The following FOXP1 variants were observed in gnomAD, a reference collection of about 807,000 sequenced individuals.
FOXP1 encodes the protein forkhead box P1.
In FOXP1, 15 loss-of-function variants were observed where a neutral mutation model predicts 98.2. That is an observed-to-expected ratio of 0.15 (90% CI 0.10 to 0.24). FOXP1 has a LOEUF of 0.24. Ranked by LOEUF, FOXP1 falls within the 10% of genes least tolerant of loss-of-function variation. The pLI is 1.00. For missense variants in FOXP1, 633 were observed against 848.5 expected (o/e 0.75, Z 3.15); for synonymous variants, 371 against 314.5 (o/e 1.18, Z -1.90).
chr3:71,149,156 T>C (rs2060456098), intron 6 of FOXP1, among the ~76,000 whole-genome samples: 1 of 152,080 alleles, frequency 6.6e-6, no homozygotes, highest in Non-Finnish European at 1.5e-5. Context: ...CTGAGTGTAG[T>C]GGGAAAGAGA....
At chr3:71,515,960 G>A (rs1196481778) in intron 2 of FOXP1, among the ~76,000 whole-genome samples, 2 of 152,134 alleles carry the variant, frequency 1.3e-5, no homozygotes, top group African/African-American at 2.4e-5. Context: ...GGCCAGTGTC[G>A]TTCATCTGAG....
At chr3:71,221,059 A>G (rs2065341705) in intron 5 of FOXP1, among the ~76,000 whole-genome samples, 1 of 152,160 alleles carries the variant, frequency 6.6e-6, no homozygotes, top group Admixed American at 6.5e-5. Flanking sequence ...CGGGGTCCCC[A>G]GCTCCCCAAG....
intron 3 of FOXP1, among the ~76,000 whole-genome samples, chr3:71,385,107 T>TAA (rs11304054): frequency 5.0e-5 from 7 of 138,914 alleles, no homozygotes; most frequent in East Asian, 2.1e-4. Flanking sequence ...GAAAAGGAAG[T>TAA]AAAAAAAAAA....
intron 3 of FOXP1, among the ~76,000 whole-genome samples, chr3:71,491,792 A>C (rs576493966): frequency 2.0e-4 from 31 of 152,332 alleles, no homozygotes; most frequent in Middle Eastern, 3.4e-3. Context: ...ATAAAACTAA[A>C]GTATTTTTTA....
At chr3:71,236,449 C>T (rs1057375783) in intron 5 of FOXP1, among the ~76,000 whole-genome samples, 4 of 152,198 alleles carry the variant, frequency 2.6e-5, no homozygotes, top group Non-Finnish European at 5.9e-5. Context: ...CACCCACGAT[C>T]TACCAGTCAT....
chr3:71,338,555 G>A (rs1278742515), intron 4 of FOXP1, among the ~76,000 whole-genome samples: 3 of 152,124 alleles, frequency 2.0e-5, no homozygotes, highest in Non-Finnish European at 4.4e-5. Flanking sequence ...AGCCTCCCAA[G>A]TAGCTGGGAC....
chr3:71,086,757 A>G (rs1400760316), intron 7 of FOXP1, among the ~76,000 whole-genome samples: 3 of 152,166 alleles, frequency 2.0e-5, no homozygotes, highest in African/African-American at 7.2e-5. Flanking sequence ...GCAGAAAACC[A>G]ATTTATGTAA....
At chr3:71,023,411 G>T (rs1483320426) in intron 11 of FOXP1, among the ~76,000 whole-genome samples, 1 of 152,120 alleles carries the variant, frequency 6.6e-6, no homozygotes, top group East Asian at 1.9e-4. Context: ...GACACCTTGG[G>T]TTTCTAGAAA....
intron 3 of FOXP1, among the ~76,000 whole-genome samples, chr3:71,419,236 A>G: frequency 2.4e-5 from 1 of 41,380 alleles, no homozygotes. Context: ...CTCCATCTCA[A>G]AAAAAAAAAA....
chr3:71,064,053 G>C (rs750780070), intron 7 of FOXP1, among the ~76,000 whole-genome samples: 1 of 152,206 alleles, frequency 6.6e-6, no homozygotes, highest in South Asian at 2.1e-4. Context: ...CAATTCCTCA[G>C]TCTGCTGCAC....
At chr3:71,003,834 C>T (rs2042420372) in intron 12 of FOXP1, among the ~76,000 whole-genome samples, 3 of 152,098 alleles carry the variant, frequency 2.0e-5, no homozygotes, top group Admixed American at 1.3e-4. Context: ...CCTTTCATTT[C>T]ACTACTTCAT....
chr3:71,268,193 C>T (rs2069927252), intron 5 of FOXP1, among the ~76,000 whole-genome samples: 1 of 150,168 alleles, frequency 6.7e-6, no homozygotes, highest in Non-Finnish European at 1.5e-5. Context: ...CGGGTTCACG[C>T]CATTCTCCTG....
chr3:71,361,382 T>C (rs2078555230), intron 3 of FOXP1, among the ~76,000 whole-genome samples: 1 of 152,176 alleles, frequency 6.6e-6, no homozygotes, highest in Admixed American at 6.5e-5. Flanking sequence ...AACTATGAGC[T>C]GTGGACTCCT....
intron 6 of FOXP1, among the ~76,000 whole-genome samples, chr3:71,184,757 G>A (rs898942495): frequency 7.0e-6 from 1 of 141,870 alleles, no homozygotes; most frequent in African/African-American, 2.6e-5. Flanking sequence ...GCTGTGTAAC[G>A]TTTTTTTTTT....
chr3:71,432,477 C>T (rs1188587246), intron 3 of FOXP1, among the ~76,000 whole-genome samples: 2 of 152,196 alleles, frequency 1.3e-5, no homozygotes, highest in African/African-American at 4.8e-5. Flanking sequence ...TCATTCTTCT[C>T]TCCCTTTGGA....
intron 2 of FOXP1, among the ~76,000 whole-genome samples, chr3:71,523,514 A>G (rs2043142451): frequency 6.6e-6 from 1 of 152,174 alleles, no homozygotes; most frequent in Non-Finnish European, 1.5e-5. Flanking sequence ...ATGCCAATAT[A>G]TTGTTTTGAA....
intron 11 of FOXP1, among the ~76,000 whole-genome samples, chr3:71,025,120 T>C (rs1370914583): frequency 6.6e-6 from 1 of 152,102 alleles, no homozygotes; most frequent in Non-Finnish European, 1.5e-5. Context: ...ATGAAAAATA[T>C]GAAGTAGATA....
rs546838922 is a variant in FOXP1 at position 71,210,077 on chromosome 3, AT to A, written c.-11-11686del. On this transcript the variant is annotated intron_variant, in intron 5 of 20. Coordinates refer to ENST00000649528, the MANE Select transcript of FOXP1 (RefSeq NM_001349338.3). Reference sequence around the variant, plus strand: ...AAAAAATAAAGATACACCTAAGTGGATTCTGGCAATTACATGATTAACAATC... The same window carrying A: ...AAAAAATAAAGATACACCTAAGTGGATCTGGCAATTACATGATTAACAATC... Among the ~76,000 whole-genome samples, 182 of 152,334 alleles carry A rather than the reference AT, an allele frequency of 1.2e-3. 1 individual carries two copies. The highest frequency in any genetic ancestry group is 4.2e-3 in the African/African-American group (175 of 41,558).
intron 7 of FOXP1, among the ~76,000 whole-genome samples, chr3:71,098,032 G>A (rs1311176977): frequency 6.6e-6 from 1 of 152,152 alleles, no homozygotes; most frequent in Non-Finnish European, 1.5e-5. Flanking sequence ...TTTAACATTA[G>A]TTATTTGTGC....
Sources: allele counts gnomAD v4.1 joint callset (sites outside exome capture counted in the v4.1 genomes callset), GRCh38; gene constraint gnomAD v4.1.1; transcripts MANE v1.5; gene names NCBI Gene and HGNC (gene_info 2026-07-23, HGNC 2026-07-21).